MROH7: variants seen among roughly 807,000 people sequenced by gnomAD.
The protein encoded by MROH7 is maestro heat-like repeat-containing protein family member 7.
MROH7 carries 113 observed loss-of-function variants against 129.2 expected under a neutral mutation model. The ratio of observed to expected loss-of-function variants is 0.87; its 90% CI spans 0.75 to 1.02. The LOEUF (loss-of-function observed/expected upper bound fraction) is 1.02. Ranked by LOEUF, MROH7 falls within the 50% of genes least tolerant of loss-of-function variation. The probability of loss-of-function intolerance (pLI) is 0.00; values close to 1 mark genes in which losing one functional copy is unlikely to be tolerated. For missense variants in MROH7, 1,601 were observed against 1,671.3 expected, an observed-to-expected ratio of 0.96 and a Z score of 0.73; for synonymous variants, 655 against 667.9, an observed-to-expected ratio of 0.98 and a Z score of 0.30.
Position 54,673,094 on chromosome 1 carries a change from C to CCCA in MROH7, c.1603_1604insCCA (p.Leu535delinsProIle). ...TTGGTCCTCCTCCCATCCACAGGCT[C>CCCA]TTTACCATCAGACCCTGGAGGCCCT... On this transcript the variant is annotated protein_altering_variant, in exon 8 of 24. Coordinates refer to ENST00000421030, the MANE Select transcript of MROH7 (RefSeq NM_001039464.4). 6.2e-7 allele frequency: 1 copy of CCCA among 1,613,430 alleles called. No homozygotes were observed. The highest frequency in any genetic ancestry group is 8.5e-7 in the Non-Finnish European group (1 of 1,179,534).
At chr1:54,661,656 A>T (rs1398571193) in intron 3 of MROH7, among the ~76,000 whole-genome samples, 2 of 151,266 alleles carry the variant, frequency 1.3e-5, no homozygotes, top group African/African-American at 4.9e-5. Context: ...AGTGCAGTGG[A>T]GCAATCTTGG....
At chr1:54,667,816 A>G (rs760102067) in intron 4 of MROH7, among the ~76,000 whole-genome samples, 7 of 151,942 alleles carry the variant, frequency 4.6e-5, no homozygotes, top group Non-Finnish European at 1.0e-4. Context: ...CAGTAGTCCT[A>G]TGTAGTCCAT....
chr1:54,662,899 T>G (rs1216398846), intron 3 of MROH7, among the ~76,000 whole-genome samples: 7 of 152,230 alleles, frequency 4.6e-5, no homozygotes, highest in Non-Finnish European at 1.0e-4. Context: ...TTTTGTAGGA[T>G]GTGCCTCAGT....
intron 3 of MROH7, among the ~76,000 whole-genome samples, chr1:54,655,542 A>G (rs1644630528): frequency 1.3e-5 from 2 of 150,388 alleles, no homozygotes; most frequent in South Asian, 4.2e-4. Context: ...CACCTGAGTA[A>G]TTTTATTTTT....
chr1:54,688,423 G>T (rs748763333), intron 15 of MROH7, among the ~76,000 whole-genome samples: 9 of 151,872 alleles, frequency 5.9e-5, no homozygotes, highest in Non-Finnish European at 1.0e-4. Context: ...TCTGTGACTC[G>T]TATTGTTATG....
At chr1:54,692,293 A>T (rs1645252126) in intron 15 of MROH7, 131 bp from the exon 16 acceptor site, 1 of 1,159,598 alleles carries the variant, frequency 8.6e-7, no homozygotes, top group Non-Finnish European at 1.2e-6. Context: ...TTGTGGATAC[A>T]CTGAATACCC....
intron 20 of MROH7, among the ~76,000 whole-genome samples, 187 bp downstream of exon 20, chr1:54,702,432 T>C (rs1282751969): frequency 6.6e-6 from 1 of 152,072 alleles, no homozygotes; most frequent in African/African-American, 2.4e-5. Context: ...TGGTCATAGC[T>C]GATGTATAAA....
At chr1:54,682,551 G>A (rs908245527) in intron 13 of MROH7, 105 bp from the exon 14 acceptor site, 5 of 1,116,802 alleles carry the variant, frequency 4.5e-6, no homozygotes, top group Admixed American at 4.3e-5. Flanking sequence ...GCCCATGGAT[G>A]CCATTTCATT....
rs1420498954 is a variant in MROH7 at position 54,673,155 on chromosome 1, C to A, written c.1664C>A (p.Pro555His). ...TLLKALFIEDPTPAGLKSILE... is the reference protein window; with the variant it reads ...TLLKALFIEDHTPAGLKSILE... ...CTCAAAGCCCTCTTTATCGAGGACC[C>A]CACTCCTGCTGGGCTGAAGAGCATC... Residue 555 changes from proline (P) to histidine (H), a missense_variant, in exon 8 of 24, where the codon CCC becomes CAC. Transcript: ENST00000421030. 1 of 1,613,880 alleles carries A rather than the reference C, an allele frequency of 6.2e-7. No individual in the cohort carries two copies. Among genetic ancestry groups the A allele is most frequent in the Admixed American group, 1.7e-5 (1 of 60,004 alleles).
chr1:54,653,734 A>G lies in MROH7; in HGVS notation c.808A>G (p.Thr270Ala). The G allele has an allele frequency of 6.2e-7, 1 of 1,614,216 alleles. No homozygotes were observed. Among genetic ancestry groups the G allele is most frequent in the Non-Finnish European group, 8.5e-7 (1 of 1,180,044 alleles). ...SKGAFSTTWS[T>A]SSKETMNVAS... ...AGGAGCCTTTAGTACCACCTGGAGC[A>G]CAAGTTCAAAGGAAACCATGAATGT... Residue 270 changes from threonine (T) to alanine (A), a missense_variant, in exon 3 of 24, where the codon ACA (threonine) becomes GCA (alanine). By Grantham distance (58) the Thr-to-Ala change is moderately conservative. Transcript: ENST00000421030.
chr1:54,682,924 C>A, intron 14 of MROH7, 130 bp downstream of exon 14: 1 of 1,050,746 alleles, frequency 9.5e-7, no homozygotes, highest in Non-Finnish European at 1.3e-6. Flanking sequence ...TGGTCTTGGG[C>A]AGGTCTCTGG....
At chr1:54,696,572 A>G (rs1645325031) in intron 17 of MROH7, among the ~76,000 whole-genome samples, 1 of 150,994 alleles carries the variant, frequency 6.6e-6, no homozygotes, top group Non-Finnish European at 1.5e-5. Flanking sequence ...GAATCATACA[A>G]TATTTGTCCT....
intron 15 of MROH7, among the ~76,000 whole-genome samples, chr1:54,690,687 C>T (rs1184119489): frequency 6.6e-6 from 1 of 152,146 alleles, no homozygotes; most frequent in African/African-American, 2.4e-5. Flanking sequence ...TCGTGATCCA[C>T]CCTCCTCGGC....
intron 14 of MROH7, 139 bp from the exon 15 acceptor site, chr1:54,686,119 G>A: frequency 1.5e-6 from 1 of 684,652 alleles, no homozygotes; most frequent in Non-Finnish European, 2.3e-6. Context: ...TGGGGGGTGG[G>A]GAATCCCAGC....
chr1:54,649,676 C>T (rs1484506303), intron 1 of MROH7, among the ~76,000 whole-genome samples: 2 of 152,188 alleles, frequency 1.3e-5, no homozygotes, highest in African/African-American at 2.4e-5. Flanking sequence ...ATCACTGCCT[C>T]GTAGGCTGCA....
chr1:54,668,876 A>C lies in MROH7; in HGVS notation c.1328A>C (p.Gln443Pro). 6.2e-7 allele frequency: 1 copy of C among 1,613,906 alleles called. No individual in the cohort carries two copies. The stretch of plus-strand genomic sequence containing the variant: ...TAGGTTGAGAATGTCACCACCCTTC[A>C]GAAGAGCCAGGATCTGCTGGAGGCA... ...MALVENVTTL[Q>P]KSQDLLEAEG... The change falls in exon 5 of 24, where the codon CAG (glutamine) becomes CCG (proline). Residue 443 changes from glutamine to proline, a missense_variant. By Grantham distance (76) the Gln-to-Pro change is moderately conservative. Coordinates refer to ENST00000421030, the MANE Select transcript of MROH7 (RefSeq NM_001039464.4).
rs71048704 is a variant in MROH7 at position 54,666,425 on chromosome 1, A to ATTTTTTTT, written c.1305+1205_1305+1212dup. Among the ~76,000 whole-genome samples, 574 of 69,188 alleles carry ATTTTTTTT rather than the reference A, an allele frequency of 8.3e-3. 27 individuals carry two copies. Among genetic ancestry groups the ATTTTTTTT allele is most frequent in the African/African-American group, 0.016 (320 of 20,014 alleles). The allele number at this position is 69,188 out of a possible 152,430, so 45.4% of individuals were successfully genotyped here. A position where few individuals can be genotyped will look rare whatever the true frequency, so the allele number is the denominator to read the frequency against. On this transcript the variant is annotated intron_variant, in intron 4 of 23. Coordinates refer to ENST00000421030, the MANE Select transcript of MROH7 (RefSeq NM_001039464.4). The stretch of plus-strand genomic sequence containing the variant: ...GGTTATAGGAGGCGGGAGAAGAGGA[A>ATTTTTTTT]TTTTTTTTTTTTTTTTTTTTTTTTT...
Position 54,653,294 on chromosome 1 carries a change from CA to C in MROH7, c.369del (p.Ala124ProfsTer6). On this transcript the variant is annotated frameshift_variant, in exon 3 of 24. Transcript: ENST00000421030. LOFTEE classifies it high-confidence loss of function. The part of the protein sequence containing the change: ...SRPDSQGRLC[P>X]ASNPILSPSS... The stretch of plus-strand genomic sequence containing the variant: ...CCTGACTCACAGGGGCGCCTCTGTC[CA>C]GCCTCAAACCCCATTCTGAGCCCTA... 1 of 1,614,176 alleles carries C rather than the reference CA, an allele frequency of 6.2e-7. No individual in the cohort carries two copies. The highest frequency in any genetic ancestry group is 1.1e-5 in the South Asian group (1 of 91,084).
chr1:54,706,439 A>G lies in MROH7; in HGVS notation c.3569A>G (p.Asn1190Ser), dbSNP rs1570005642. 5.6e-6 allele frequency: 9 copies of G among 1,604,616 alleles called. No homozygotes were observed. The highest frequency in any genetic ancestry group is 6.8e-6 in the Non-Finnish European group (8 of 1,176,202). The stretch of plus-strand genomic sequence containing the variant: ...TGGGGTTTCTCTTTGTCCTAGGTGA[A>G]CACCCACCGAGACAGCGCCTTCATA... ...TVAKICKCLV[N>S]THRDSAFIFL... The change falls in exon 22 of 24, where the codon AAC becomes AGC. Residue 1190 changes from asparagine (N) to serine (S), a missense_variant. Coordinates refer to ENST00000421030, the MANE Select transcript of MROH7 (RefSeq NM_001039464.4).
Sources: allele counts gnomAD v4.1 joint callset (sites outside exome capture counted in the v4.1 genomes callset), GRCh38; gene constraint gnomAD v4.1.1; transcripts MANE v1.5; gene names NCBI Gene and HGNC (gene_info 2026-07-23, HGNC 2026-07-21).